TTLL5: variants seen among roughly 807,000 people sequenced by gnomAD.
The protein encoded by TTLL5 is tubulin polyglutamylase TTLL5.
A neutral mutation model predicts 168.4 loss-of-function variants in TTLL5; 132 were observed. The ratio of observed to expected loss-of-function variants is 0.78; its 90% CI spans 0.68 to 0.91. TTLL5 has a LOEUF of 0.91. TTLL5 is among the 40% of genes least tolerant of loss of function. The pLI, the probability that TTLL5 is intolerant of heterozygous loss-of-function variation, is 0.00. For synonymous variants in TTLL5, 546 were observed against 558.6 expected, an observed-to-expected ratio of 0.98 and a Z score of 0.32; for missense variants, 1,545 against 1,581.5, an observed-to-expected ratio of 0.98 and a Z score of 0.39.
At chr14:75,791,843 T>C (rs777858223) in intron 26 of TTLL5, among the ~76,000 whole-genome samples, 2 of 152,208 alleles carry the variant, frequency 1.3e-5, no homozygotes, top group Admixed American at 6.5e-5. Context: ...TTATTTCTAC[T>C]TTTCTGAGTT....
At chr14:75,684,293 A>G (rs1884862744) in intron 5 of TTLL5, 1 of 151,948 alleles carries the variant, frequency 6.6e-6, no homozygotes, top group Non-Finnish European at 1.5e-5. Flanking sequence ...CTGTTTTTTC[A>G]CTTTTATTAA....
chr14:75,938,084 T>C (rs189072108), intron 31 of TTLL5, among the ~76,000 whole-genome samples: 2 of 152,330 alleles, frequency 1.3e-5, no homozygotes, highest in East Asian at 1.9e-4. Flanking sequence ...TGTGATGTGG[T>C]TTTAAATTAA....
chr14:75,698,201 C>G (rs752674342), intron 6 of TTLL5, among the ~76,000 whole-genome samples: 55 of 152,154 alleles, frequency 3.6e-4, no homozygotes, highest in Admixed American at 5.2e-4. Flanking sequence ...TTCTGACACT[C>G]CCTAAGTGGA....
intron 12 of TTLL5, chr14:75,727,696 A>C (rs1189150378): frequency 3.0e-6 from 1 of 330,326 alleles, no homozygotes; most frequent in Non-Finnish European, 6.0e-6. Context: ...AATCTGCCTG[A>C]AAACAAAAAG....
At chr14:75,686,072 C>G (rs1304434829) in intron 5 of TTLL5, among the ~76,000 whole-genome samples, 1 of 152,062 alleles carries the variant, frequency 6.6e-6, no homozygotes, top group Non-Finnish European at 1.5e-5. Flanking sequence ...GTTTGTGGTA[C>G]CTAGATTTGC....
chr14:75,918,621 GA>G (rs1299517015), intron 31 of TTLL5, among the ~76,000 whole-genome samples: 7 of 151,836 alleles, frequency 4.6e-5, no homozygotes, highest in East Asian at 1.9e-4. Context: ...GAGCCATAGA[GA>G]AAAAAAGTAC....
intron 23 of TTLL5, among the ~76,000 whole-genome samples, chr14:75,778,032 T>C (rs1891821859): frequency 6.6e-6 from 1 of 151,406 alleles, no homozygotes; most frequent in African/African-American, 2.4e-5. Flanking sequence ...TTTTTAAAGC[T>C]AAAAGATAAT....
rs1300674092 is a variant in TTLL5 at position 75,731,393 on chromosome 14, A to G, written c.1043-945A>G. 2.6e-5 allele frequency among the ~76,000 whole-genome samples: 4 copies of G among 151,206 alleles called. 1 individual carries two copies. In the East Asian group the frequency reaches 7.8e-4, roughly 29 times the overall value. ...CATACATACACACACACACACACACACACACACACACACACACACACACAC... is the reference window on the plus strand; with the variant it reads ...CATACATACACACACACACACACACGCACACACACACACACACACACACAC... On this transcript the variant is annotated intron_variant, in intron 12 of 31. Coordinates refer to ENST00000298832, the MANE Select transcript of TTLL5 (RefSeq NM_015072.5).
chr14:75,850,177 C>A (rs552616639), intron 28 of TTLL5, among the ~76,000 whole-genome samples: 1 of 151,642 alleles, frequency 6.6e-6, no homozygotes. Context: ...GAGGCCGAGG[C>A]GGGCGGATCA....
At chr14:75,799,143 C>T (rs1011618788) in intron 27 of TTLL5, among the ~76,000 whole-genome samples, 6 of 152,044 alleles carry the variant, frequency 3.9e-5, no homozygotes, top group African/African-American at 9.7e-5. Flanking sequence ...AATTTGGGAG[C>T]TCCAGTGTTA....
chr14:75,826,278 A>G (rs962868126), intron 28 of TTLL5, among the ~76,000 whole-genome samples: 2 of 142,500 alleles, frequency 1.4e-5, no homozygotes, highest in African/African-American at 2.7e-5. Context: ...ACCACCTTCT[A>G]TTTCCTTAGG....
chr14:75,765,086 A>G (rs1179032053), intron 19 of TTLL5, among the ~76,000 whole-genome samples: 1 of 152,212 alleles, frequency 6.6e-6, no homozygotes, highest in African/African-American at 2.4e-5. Context: ...ATTACTGTTC[A>G]GGTTTTTTAT....
chr14:75,920,788 G>A (rs1235393156), intron 31 of TTLL5, among the ~76,000 whole-genome samples: 1 of 152,134 alleles, frequency 6.6e-6, no homozygotes, highest in East Asian at 1.9e-4. Context: ...TGGATCAAAT[G>A]GTAATTCTAG....
At chr14:75,727,019 A>T (rs1159983755) in intron 12 of TTLL5, among the ~76,000 whole-genome samples, 1 of 152,118 alleles carries the variant, frequency 6.6e-6, no homozygotes, top group Non-Finnish European at 1.5e-5. Flanking sequence ...TTCACTGCCT[A>T]CCTCTATGTG....
intron 21 of TTLL5, among the ~76,000 whole-genome samples, chr14:75,773,957 A>AGAAAGAGAGAAAGAGAG (rs1891536422): frequency 2.3e-5 from 1 of 43,384 alleles, no homozygotes; most frequent in African/African-American, 8.1e-5. Flanking sequence ...GAGAGAGAGA[A>AGAAAGAGAGAAAGAGAG]AGAGAGAGAG....
intron 28 of TTLL5, among the ~76,000 whole-genome samples, chr14:75,827,005 A>G (rs1340390035): frequency 1.3e-5 from 2 of 152,188 alleles, no homozygotes; most frequent in East Asian, 3.8e-4. Context: ...CTCTTTTTTA[A>G]GAGGTCTCAG....
Position 75,762,769 on chromosome 14 carries a change from A to G in TTLL5, c.1551-1846A>G, listed in dbSNP as rs76581781. On this transcript the variant is annotated intron_variant, in intron 18 of 31. Transcript: ENST00000298832. ...CCATATCTGTGAGCTTTTAGCGTTCATGTTTTCAGAAGTTTATTTTTTGAG... is the reference window on the plus strand; with the variant it reads ...CCATATCTGTGAGCTTTTAGCGTTCGTGTTTTCAGAAGTTTATTTTTTGAG... Among the ~76,000 whole-genome samples the G allele has an allele frequency of 5.2e-3, 796 of 152,346 alleles. 7 individuals carry two copies. Among genetic ancestry groups the G allele is most frequent in the Non-Finnish European group, 9.3e-3 (636 of 68,034 alleles).
intron 31 of TTLL5, among the ~76,000 whole-genome samples, chr14:75,934,086 T>A (rs1481507319): frequency 6.6e-6 from 1 of 152,248 alleles, no homozygotes; most frequent in East Asian, 1.9e-4. Context: ...CCATAGTGGC[T>A]GGCCTCCCCT....
intron 31 of TTLL5, among the ~76,000 whole-genome samples, chr14:75,925,240 C>T (rs2033994622): frequency 6.6e-6 from 1 of 151,118 alleles, no homozygotes; most frequent in South Asian, 2.1e-4. Context: ...GGGGCTGACC[C>T]CCACCTCCCT....
Sources: gnomAD v4.1 joint callset for allele counts (sites outside exome capture counted in the v4.1 genomes callset) on GRCh38, gnomAD v4.1.1 for gene constraint, MANE v1.5 for transcripts, NCBI Gene and HGNC (gene_info 2026-07-23, HGNC 2026-07-21) for gene names.